Variants in DOCK2 observed in about 807,000 individuals in gnomAD.
DOCK2 encodes the protein dedicator of cytokinesis protein 2.
DOCK2 carries 87 observed loss-of-function variants against 248.9 expected under a neutral mutation model. The ratio of observed to expected loss-of-function variants is 0.35; its 90% confidence interval spans 0.29 to 0.42. DOCK2 has a LOEUF of 0.42. Among genes scored for constraint, DOCK2 ranks in the 10% least tolerant of loss-of-function variants. The probability of loss-of-function intolerance (pLI) is 1.00; values close to 1 mark genes in which losing one functional copy is unlikely to be tolerated. For synonymous variants in DOCK2, 805 were observed against 821.6 expected, an observed-to-expected ratio of 0.98 and a Z score of 0.35; for missense variants, 1,747 against 2,300.2, an observed-to-expected ratio of 0.76 and a Z score of 4.92.
chr5:169,924,346 C>T (rs987907061), intron 27 of DOCK2, among the ~76,000 whole-genome samples: 8 of 152,314 alleles, frequency 5.3e-5, no homozygotes, highest in Middle Eastern at 3.4e-3. Context: ...TCCCTGTCAC[C>T]TTTGCTCCCT....
intron 27 of DOCK2, among the ~76,000 whole-genome samples, chr5:169,958,343 TG>T: frequency 6.6e-6 from 1 of 152,306 alleles, no homozygotes; most frequent in Admixed American, 6.5e-5. Flanking sequence ...CTTGGGTTTC[TG>T]GGGACAGTGA....
intron 41 of DOCK2, among the ~76,000 whole-genome samples, chr5:170,053,698 C>T (rs534827261): frequency 5.3e-5 from 8 of 152,306 alleles, no homozygotes; most frequent in African/African-American, 9.6e-5. Flanking sequence ...TTTATTCATT[C>T]GTGTTAAACA....
intron 26 of DOCK2, 123 bp from the exon 27 acceptor site, chr5:169,840,634 G>A (rs1581267851): frequency 2.8e-6 from 2 of 702,960 alleles, no homozygotes; most frequent in Non-Finnish European, 5.1e-6. Context: ...TGGCAGTAGT[G>A]GTGGTGGTGT....
At chr5:169,745,900 G>A (rs1763586352) in intron 22 of DOCK2, among the ~76,000 whole-genome samples, 1 of 152,190 alleles carries the variant, frequency 6.6e-6, no homozygotes, top group Non-Finnish European at 1.5e-5. Flanking sequence ...AAAAGCCGGG[G>A]TGGGGGTGAG....
In DOCK2 at chr5:169,658,397, G is replaced by A. The variant is rs551086806; in HGVS notation, c.127+3911G>A. ...CAGGAGGCTGAGGCAGGAGAATTGC[G>A]TGAACCTGGGAGGCGGAGCTTGCAG... is the stretch of plus-strand genomic sequence containing the variant. On this transcript the variant is annotated intron_variant, in intron 2 of 51. Transcript: ENST00000520908. 2.9e-4 allele frequency among the ~76,000 whole-genome samples: 42 copies of A among 143,418 alleles called. No homozygotes were observed. The South Asian group carries it at 7.2e-3, about 24-fold the overall frequency. The allele number at this position is 143,418 out of a possible 152,430, so 94.1% of individuals were successfully genotyped here. A position where few individuals can be genotyped will look rare whatever the true frequency, so the allele number is the denominator to read the frequency against.
At chr5:169,781,993 G>A (rs572372659) in intron 25 of DOCK2, among the ~76,000 whole-genome samples, 17 of 152,252 alleles carry the variant, frequency 1.1e-4, no homozygotes, top group South Asian at 2.1e-4. Flanking sequence ...TCTGTCTCTG[G>A]GTGCAGTGGC....
Position 169,692,523 on chromosome 5 carries a change from T to G in DOCK2, c.843+3190T>G, listed in dbSNP as rs563745471. ...ATTCTTTAGTGTGGAGGTGTGTGTG[T>G]GGGGGTGGGGTGGCGGGGGGGCGCT... On this transcript the variant is annotated intron_variant, in intron 9 of 51. Transcript: ENST00000520908. 7.3e-4 allele frequency among the ~76,000 whole-genome samples: 82 copies of G among 112,014 alleles called. 1 individual carries two copies. Among genetic ancestry groups the G allele is most frequent in the Middle Eastern group, 8.2e-3 (2 of 244 alleles). The allele number at this position is 112,014 out of a possible 152,430, so 73.5% of individuals were successfully genotyped here.
rs549794527 is a variant in DOCK2 at position 170,062,726 on chromosome 5, G to T, written c.4468-4784G>T. ...CTCTTTAGACCACAGGAAAAAATCAGTGGTTTTATATGGGTGCACATGAAC... is the reference window on the plus strand; with the variant it reads ...CTCTTTAGACCACAGGAAAAAATCATTGGTTTTATATGGGTGCACATGAAC... On this transcript the variant is annotated intron_variant, in intron 44 of 51. Transcript: ENST00000520908. Among the ~76,000 whole-genome samples, 8 of 152,248 alleles carry T rather than the reference G, an allele frequency of 5.3e-5. No homozygotes were observed. In the East Asian group the frequency reaches 1.5e-3, roughly 29 times the overall value.
intron 26 of DOCK2, among the ~76,000 whole-genome samples, chr5:169,817,384 A>G (rs187569590): frequency 1.2e-4 from 19 of 152,330 alleles, no homozygotes; most frequent in Middle Eastern, 3.4e-3. Context: ...CTAAGCACCT[A>G]TGATTTGTCA....
At position 169,699,950 on chromosome 5, in the gene DOCK2, G is replaced by A. The variant is rs374556491; in HGVS notation, c.1133-64G>A. The A allele has an allele frequency of 7.2e-4, 1,152 of 1,599,074 alleles. 28 individuals are homozygous for A. In the South Asian group the frequency reaches 0.011, roughly 15 times the overall value. On this transcript the variant is annotated intron_variant, in intron 12 of 51. Coordinates refer to ENST00000520908, the MANE Select transcript of DOCK2 (RefSeq NM_004946.3). ...CAGAAAGACAGAGGGGAGAGGTGGCGGGAGGGCCGACTGAGGGGTCACTTG... is the reference window on the plus strand; with the variant it reads ...CAGAAAGACAGAGGGGAGAGGTGGCAGGAGGGCCGACTGAGGGGTCACTTG...
chr5:169,996,341 G>A (rs1754635444), intron 30 of DOCK2, among the ~76,000 whole-genome samples, 177 bp downstream of exon 30: 5 of 152,216 alleles, frequency 3.3e-5, no homozygotes. Flanking sequence ...CCAGGGCCTT[G>A]ATTAAATAGT....
chr5:169,805,912 C>T (rs1376221504), intron 26 of DOCK2, among the ~76,000 whole-genome samples: 1 of 152,168 alleles, frequency 6.6e-6, no homozygotes, highest in African/African-American at 2.4e-5. Flanking sequence ...GGGACTAACC[C>T]ACCCCTTTCT....
At position 169,985,347 on chromosome 5, in the gene DOCK2, T is replaced by A. The variant is rs1460714957; in HGVS notation, c.2899-481T>A. Among the ~76,000 whole-genome samples, 3 of 102,488 alleles carry A rather than the reference T, an allele frequency of 2.9e-5. No individual in the cohort carries two copies. The East Asian group carries it at 8.4e-4, about 29-fold the overall frequency. The allele number at this position is 102,488 out of a possible 152,430, so 67.2% of individuals were successfully genotyped here. A position where few individuals can be genotyped will look rare whatever the true frequency, so the allele number is the denominator to read the frequency against. ...TGTCATTGTGTCTCAGCTAATCTGC[T>A]CGTGTGTGTGTGTGTGTGTGTGTGT... On this transcript the variant is annotated intron_variant, in intron 28 of 51. Transcript: ENST00000520908.
At chr5:169,875,328 G>T (rs1772261303) in intron 27 of DOCK2, 1 of 456,536 alleles carries the variant, frequency 2.2e-6, no homozygotes, top group Admixed American at 2.3e-5. Flanking sequence ...ACACCCAGGA[G>T]GTTCCGATGC....
chr5:169,961,978 CA>C (rs70979150), intron 27 of DOCK2, among the ~76,000 whole-genome samples: 2,500 of 74,626 alleles, frequency 0.034, 172 homozygotes, highest in Middle Eastern at 0.087. Context: ...GACTCTGTCC[CA>C]AAAAAAAAAA....
At chr5:169,887,624 A>G (rs1445632224) in intron 27 of DOCK2, among the ~76,000 whole-genome samples, 1 of 152,214 alleles carries the variant, frequency 6.6e-6, no homozygotes. Context: ...TTTAAATAGT[A>G]TTTTTGTGGA....
intron 33 of DOCK2, among the ~76,000 whole-genome samples, chr5:170,025,780 CTCCT>C (rs1247624357): frequency 3.1e-5 from 4 of 129,634 alleles, no homozygotes; most frequent in Non-Finnish European, 4.9e-5. Flanking sequence ...CCCTCCCTCC[CTCCT>C]TCCCTCCCTT....
intron 32 of DOCK2, among the ~76,000 whole-genome samples, chr5:170,009,369 T>C (rs1410891798): frequency 6.6e-6 from 1 of 152,104 alleles, no homozygotes; most frequent in Non-Finnish European, 1.5e-5. Flanking sequence ...TGTTCCCCCA[T>C]CCTTTTACTG....
intron 25 of DOCK2, among the ~76,000 whole-genome samples, chr5:169,786,108 T>C (rs1765964739): frequency 6.6e-6 from 1 of 152,244 alleles, no homozygotes; most frequent in African/African-American, 2.4e-5. Context: ...TACATTCTTT[T>C]TTAGTATCAA....
Sources: allele counts gnomAD v4.1 joint callset (sites outside exome capture counted in the v4.1 genomes callset), GRCh38; gene constraint gnomAD v4.1.1; transcripts MANE v1.5; gene names NCBI Gene and HGNC (gene_info 2026-07-23, HGNC 2026-07-21).